Variants in KIAA1328 observed in about 807,000 individuals in gnomAD.
KIAA1328 encodes protein hinderin.
Under a neutral mutation model 68.1 loss-of-function variants are expected in KIAA1328, and 52 were observed. That is an observed-to-expected ratio of 0.76 (90% CI 0.61 to 0.96). The LOEUF is 0.96. Among genes scored for constraint, KIAA1328 ranks in the 40% least tolerant of loss-of-function variants. The pLI, the probability that KIAA1328 is intolerant of heterozygous loss-of-function variation, is 0.00. For synonymous variants in KIAA1328, 232 were observed against 239.4 expected (o/e 0.97, Z 0.28); for missense variants, 641 against 677.6 (o/e 0.95, Z 0.60).
intron 5 of KIAA1328, among the ~76,000 whole-genome samples, chr18:36,924,256 C>A (rs1174887441): frequency 1.3e-5 from 2 of 151,748 alleles, no homozygotes; most frequent in Non-Finnish European, 2.9e-5. Flanking sequence ...TTTCTGGGGG[C>A]AGGATAAAAG....
At chr18:37,230,695 C>G (rs2154228381), downstream of KIAA1328, 1 of 152,258 alleles carries the variant, frequency 6.6e-6, no homozygotes, top group African/African-American at 2.4e-5. Flanking sequence ...ACCCTTTGGA[C>G]TACTCCAGCC....
chr18:37,118,309 T>A (rs2058177772), intron 7 of KIAA1328, among the ~76,000 whole-genome samples: 1 of 152,152 alleles, frequency 6.6e-6, no homozygotes, highest in African/African-American at 2.4e-5. Flanking sequence ...ATAACTTTCT[T>A]TCACTACCTA....
intron 9 of KIAA1328, among the ~76,000 whole-genome samples, chr18:37,174,321 A>G (rs1372323676): frequency 6.6e-6 from 1 of 151,210 alleles, no homozygotes; most frequent in Admixed American, 6.6e-5. Flanking sequence ...GAGGCCACAC[A>G]CAATCAAAAA....
chr18:37,040,376 A>G (rs185849975), intron 6 of KIAA1328, among the ~76,000 whole-genome samples: 1 of 152,184 alleles, frequency 6.6e-6, no homozygotes, highest in Non-Finnish European at 1.5e-5. Flanking sequence ...TGTATTTTCC[A>G]TAGTATTTCT....
chr18:36,851,391 C>G (rs1281040207), intron 4 of KIAA1328, among the ~76,000 whole-genome samples: 1 of 152,036 alleles, frequency 6.6e-6, no homozygotes, highest in African/African-American at 2.4e-5. Flanking sequence ...GCTGTTCATT[C>G]TAAGTGTTTG....
intron 6 of KIAA1328, among the ~76,000 whole-genome samples, chr18:37,009,260 A>G (rs188237663): frequency 6.6e-5 from 10 of 152,240 alleles, no homozygotes; most frequent in Non-Finnish European, 1.5e-4. Context: ...GTTACTGGGA[A>G]TAACAGTGTC....
intron 5 of KIAA1328, chr18:36,921,086 C>T (rs1000187424): frequency 6.6e-6 from 1 of 152,244 alleles, no homozygotes; most frequent in Non-Finnish European, 1.5e-5. Flanking sequence ...ATATCCTCCT[C>T]TGTCCTTTCT....
intron 6 of KIAA1328, among the ~76,000 whole-genome samples, chr18:36,961,541 A>G (rs1042920065): frequency 6.6e-6 from 1 of 152,210 alleles, no homozygotes; most frequent in Non-Finnish European, 1.5e-5. Context: ...GAAATGAAGG[A>G]AAAAATGTTA....
chr18:37,221,017 G>A (rs1467405735), intron 9 of KIAA1328, among the ~76,000 whole-genome samples: 1 of 152,132 alleles, frequency 6.6e-6, no homozygotes, highest in Non-Finnish European at 1.5e-5. Context: ...AGTAGAGACA[G>A]AGTTTCACCA....
intron 7 of KIAA1328, among the ~76,000 whole-genome samples, chr18:37,139,666 T>C (rs1267760813): frequency 6.6e-6 from 1 of 152,238 alleles, no homozygotes; most frequent in African/African-American, 2.4e-5. Flanking sequence ...AATCTCATTG[T>C]CTCATCCCTG....
intron 6 of KIAA1328, among the ~76,000 whole-genome samples, chr18:36,970,641 G>A (rs12958577): frequency 0.73 from 111,420 of 152,088 alleles, 43,955 homozygotes; most frequent in South Asian, 0.89. Flanking sequence ...AAATTCACAA[G>A]CATTGCTATA....
chr18:36,954,806 T>G (rs1054042954), intron 5 of KIAA1328, among the ~76,000 whole-genome samples: 4 of 151,902 alleles, frequency 2.6e-5, no homozygotes, highest in Admixed American at 6.6e-5. Context: ...GCAATTGTCT[T>G]GCGACAGCCT....
chr18:37,201,143 T>C (rs1437895073), intron 9 of KIAA1328, among the ~76,000 whole-genome samples: 1 of 152,190 alleles, frequency 6.6e-6, no homozygotes, highest in African/African-American at 2.4e-5. Flanking sequence ...TCTTGCTTGT[T>C]GAAACATCTT....
At chr18:36,985,720 A>C (rs2052893379) in intron 6 of KIAA1328, among the ~76,000 whole-genome samples, 1 of 152,178 alleles carries the variant, frequency 6.6e-6, no homozygotes, top group Non-Finnish European at 1.5e-5. Context: ...CTCATAAGGG[A>C]TCATAGACCT....
At position 36,926,125 on chromosome 18, in the gene KIAA1328, C is replaced by G. The variant is rs546426634; in HGVS notation, c.449-33183C>G. ...TTTACTATGACGCAAGCTTCTTGTT[C>G]GAAAGGGTTAAGTTTCTTGGGTGCT... is the stretch of plus-strand genomic sequence containing the variant. On this transcript the variant is annotated intron_variant, in intron 5 of 9. Transcript: ENST00000280020. Among the ~76,000 whole-genome samples the G allele has an allele frequency of 2.0e-5, 3 of 151,964 alleles. No individual in the cohort carries two copies. In the South Asian group the frequency reaches 6.2e-4, roughly 32 times the overall value.
chr18:36,842,161 G>A (rs774077649), intron 3 of KIAA1328, among the ~76,000 whole-genome samples: 10 of 152,130 alleles, frequency 6.6e-5, no homozygotes, highest in Non-Finnish European at 1.0e-4. Flanking sequence ...GGATGAGAGG[G>A]CAGAATAAGT....
Position 37,067,495 on chromosome 18 carries a change from GCTT to G in KIAA1328, c.1188_1190del (p.Leu397del), listed in dbSNP as rs1192120632. 1.3e-6 allele frequency: 2 copies of G among 1,545,742 alleles called. No individual in the cohort carries two copies. The highest frequency in any genetic ancestry group is 4.9e-5 in the East Asian group (2 of 41,048). On this transcript the variant is annotated inframe_deletion, in exon 7 of 10. Transcript: ENST00000280020. ...ATCTGCTGGCCCAGCAGGAGACAAA[GCTT>G]CTTCTAAAACAGCAGCAGCTTCACC...
intron 6 of KIAA1328, among the ~76,000 whole-genome samples, chr18:36,998,346 T>C (rs913735655): frequency 2.6e-5 from 4 of 152,242 alleles, no homozygotes; most frequent in South Asian, 2.1e-4. Flanking sequence ...ACCACCAACA[T>C]TGATGCACAC....
At chr18:37,066,566 G>A (rs910067164) in intron 6 of KIAA1328, among the ~76,000 whole-genome samples, 4 of 152,136 alleles carry the variant, frequency 2.6e-5, no homozygotes, top group Non-Finnish European at 5.9e-5. Flanking sequence ...CATGTTTAAG[G>A]CTTTCACCTC....
Sources: allele counts gnomAD v4.1 joint callset (sites outside exome capture counted in the v4.1 genomes callset), GRCh38; gene constraint gnomAD v4.1.1; transcripts MANE v1.5; gene names NCBI Gene and HGNC (gene_info 2026-07-23, HGNC 2026-07-21).